ARHGAP22: variants seen among roughly 807,000 people sequenced by gnomAD.
The protein encoded by ARHGAP22 is Rho GTPase activating protein 22, also known as rho GTPase-activating protein 22.
In ARHGAP22, 48 loss-of-function variants were observed where a neutral mutation model predicts 59.1. The observed-to-expected ratio is 0.81, with a 90% confidence interval of 0.64 to 1.03. The LOEUF is 1.03. Ranked by LOEUF, ARHGAP22 falls within the 50% of genes least tolerant of loss-of-function variation. The pLI, the probability that ARHGAP22 is intolerant of heterozygous loss-of-function variation, is 0.00. For missense variants in ARHGAP22, 1,015 were observed against 958.7 expected, an observed-to-expected ratio of 1.06 and a Z score of -0.78; for synonymous variants, 445 against 416.4, an observed-to-expected ratio of 1.07 and a Z score of -0.84.
intron 1 of ARHGAP22, among the ~76,000 whole-genome samples, chr10:48,650,085 A>C (rs1447342358): frequency 1.4e-5 from 2 of 146,534 alleles, no homozygotes; most frequent in Non-Finnish European, 3.0e-5. Flanking sequence ...AAACACACAG[A>C]GGTGCTAACC....
At chr10:48,554,220 G>T (rs968024592) in intron 3 of ARHGAP22, among the ~76,000 whole-genome samples, 1 of 152,176 alleles carries the variant, frequency 6.6e-6, no homozygotes, top group Non-Finnish European at 1.5e-5. Flanking sequence ...GTGCCCCTGC[G>T]AACTCTGGTA....
Position 48,583,093 on chromosome 10 carries a change from G to A in ARHGAP22, c.94C>T (p.Pro32Ser). 1 of 1,614,268 alleles carries A rather than the reference G, an allele frequency of 6.2e-7. No individual in the cohort carries two copies. The highest frequency in any genetic ancestry group is 8.5e-7 in the Non-Finnish European group (1 of 1,180,054). Residue 32 changes from proline (P) to serine (S), a missense_variant, in exon 2 of 10, where the codon CCT becomes TCT. By Grantham distance (74) the Pro-to-Ser change is moderately conservative. Coordinates refer to ENST00000249601, the MANE Select transcript of ARHGAP22 (RefSeq NM_021226.4). ...QSRSPGRMPC[P>S]HRLGPVLKAG... ...TTCAGCACGGGGCCCAGCCTGTGAG[G>A]GCACGGCATCCGCCCAGGGCTCCGG...
rs34557935 is a variant in ARHGAP22 at position 48,577,801 on chromosome 10, G to GTTT, written c.234+5149_234+5151dup. Among the ~76,000 whole-genome samples the GTTT allele has an allele frequency of 4.2e-4, 25 of 59,164 alleles. 1 individual carries two copies. The highest frequency in any genetic ancestry group is 5.9e-4 in the African/African-American group (9 of 15,202). 38.8% of individuals were successfully genotyped at this position (59,164 alleles called of 152,430 possible). A position where few individuals can be genotyped will look rare whatever the true frequency, so the allele number is the denominator to read the frequency against. On this transcript the variant is annotated intron_variant, in intron 2 of 9. Transcript: ENST00000249601. ...TCTGAGATCTAACTGCTCTTTTTTGGTTTTTTTTTTTTTTTTTTTTTTTTT... is the reference window on the plus strand; with the variant it reads ...TCTGAGATCTAACTGCTCTTTTTTGGTTTTTTTTTTTTTTTTTTTTTTTTTTTT...
chr10:48,455,668 G>A (rs1159466794), intron 5 of ARHGAP22, among the ~76,000 whole-genome samples: 1 of 152,214 alleles, frequency 6.6e-6, no homozygotes, highest in African/African-American at 2.4e-5. Flanking sequence ...TGCCTGCTCT[G>A]CGGTAGGAAC....
chr10:48,558,973 C>T (rs1243139364), intron 2 of ARHGAP22, among the ~76,000 whole-genome samples: 1 of 152,192 alleles, frequency 6.6e-6, no homozygotes, highest in African/African-American at 2.4e-5. Context: ...TGATATCTGG[C>T]CCCATGGCCT....
In ARHGAP22 at chr10:48,459,722, C is replaced by T. The variant is rs1229809000; in HGVS notation, c.621G>A (p.Gln207=). The T allele has an allele frequency of 2.5e-6, 4 of 1,614,176 alleles. No individual in the cohort carries two copies. In the South Asian group the frequency reaches 4.4e-5, roughly 18 times the overall value. ...PGQANLVRDL[Q]DSFDCGEKPL... ...GCTTCTCCCCACAGTCGAAGGAATC[C>T]TGCAGGTCCCTCACCAGGTTGGCCT... Residue 207 remains glutamine, a synonymous_variant, in exon 5 of 10, where the codon CAG becomes CAA. Coordinates refer to ENST00000249601, the MANE Select transcript of ARHGAP22 (RefSeq NM_021226.4).
At position 48,450,633 on chromosome 10, in the gene ARHGAP22, C is replaced by A. The variant is rs1288420555; in HGVS notation, c.1496G>T (p.Gly499Val). Residue 499 changes from glycine to valine, a missense_variant, in exon 9 of 10, where the codon GGC (glycine) becomes GTC (valine). Physicochemically the swap from Gly to Val is moderately radical, Grantham distance 109. Transcript: ENST00000249601. ...CACGCTGGGTATGCCGGGGACCAGGCCCGGCGCGGGCACATTGTCGTAGGT... is the reference window on the plus strand; with the variant it reads ...CACGCTGGGTATGCCGGGGACCAGGACCGGCGCGGGCACATTGTCGTAGGT... The part of the protein sequence containing the change: ...LSTYDNVPAP[G>V]LVPGIPSVAS... 4 of 1,549,586 alleles carry A rather than the reference C, an allele frequency of 2.6e-6. No individual in the cohort carries two copies. Among genetic ancestry groups the A allele is most frequent in the Non-Finnish European group, 2.6e-6 (3 of 1,146,936 alleles).
intron 1 of ARHGAP22, among the ~76,000 whole-genome samples, chr10:48,599,921 C>T (rs2060284130): frequency 6.6e-6 from 1 of 152,176 alleles, no homozygotes; most frequent in African/African-American, 2.4e-5. Context: ...TGCTGGCATC[C>T]CTGGGGGCAT....
At chr10:48,471,642 C>A (rs989114366) in intron 4 of ARHGAP22, among the ~76,000 whole-genome samples, 1 of 152,202 alleles carries the variant, frequency 6.6e-6, no homozygotes, top group African/African-American at 2.4e-5. Context: ...CCCAGCCAGA[C>A]ACCATGGAGT....
intron 8 of ARHGAP22, among the ~76,000 whole-genome samples, chr10:48,452,658 CT>C (rs2046093189): frequency 6.6e-6 from 1 of 152,224 alleles, no homozygotes; most frequent in South Asian, 2.1e-4. Flanking sequence ...GGTGGGCTGT[CT>C]TTTCTATGGC....
chr10:48,507,899 GGGGGGT>G (rs2052312381), intron 3 of ARHGAP22, among the ~76,000 whole-genome samples: 3 of 149,968 alleles, frequency 2.0e-5, no homozygotes, highest in Non-Finnish European at 1.5e-5. Context: ...CGGAAATACT[GGGGGGT>G]GGGGGTGGGG....
At chr10:48,485,559 G>A (rs1001470742) in intron 3 of ARHGAP22, among the ~76,000 whole-genome samples, 4 of 152,130 alleles carry the variant, frequency 2.6e-5, no homozygotes, top group Admixed American at 6.5e-5. Context: ...TGATTTTTCT[G>A]TCTACTTCTT....
At chr10:48,509,820 T>C (rs770563332) in intron 3 of ARHGAP22, among the ~76,000 whole-genome samples, 3 of 152,104 alleles carry the variant, frequency 2.0e-5, no homozygotes, top group Non-Finnish European at 4.4e-5. Context: ...CGACGAGTCA[T>C]GGAGGAGGGG....
chr10:48,493,734 C>T (rs1314172829), intron 3 of ARHGAP22: 1 of 1,172,358 alleles, frequency 8.5e-7, no homozygotes, highest in Non-Finnish European at 1.1e-6. Context: ...GCTGGGATCC[C>T]CGCCAGTGGG....
rs73298264 is a variant in ARHGAP22, at chr10:48,542,510, G to A, written c.322+12953C>T. Among the ~76,000 whole-genome samples, 1,502 of 152,210 alleles carry A rather than the reference G, an allele frequency of 9.9e-3. 30 individuals are homozygous for A. Among genetic ancestry groups the A allele is most frequent in the African/African-American group, 0.035 (1,440 of 41,530 alleles). On this transcript the variant is annotated intron_variant, in intron 3 of 9. Coordinates refer to ENST00000249601, the MANE Select transcript of ARHGAP22 (RefSeq NM_021226.4). ...CCTGCCTCCTGCTGCCTCTGCCTCC[G>A]CCTCCTGTGAGTGGGTTTTCCTGGC...
chr10:48,462,404 T>A (rs754543970), intron 4 of ARHGAP22, among the ~76,000 whole-genome samples: 10 of 152,178 alleles, frequency 6.6e-5, no homozygotes, highest in Non-Finnish European at 1.3e-4. Flanking sequence ...ACCATCAACA[T>A]CATTATCTTG....
chr10:48,436,777 T>G, the ARHGAP22 span: 1 of 152,226 alleles, frequency 6.6e-6, no homozygotes, highest in African/African-American at 2.4e-5. Context: ...GAGTCATGAT[T>G]TCCAGCTTCC....
chr10:48,468,883 G>A lies in ARHGAP22; in HGVS notation c.452-8992C>T, dbSNP rs757263364. Among the ~76,000 whole-genome samples, 189 of 152,260 alleles carry A rather than the reference G, an allele frequency of 1.2e-3. 2 individuals carry two copies. Among genetic ancestry groups the A allele is most frequent in the East Asian group, 9.6e-4 (5 of 5,182 alleles). ...CCAGAGCTCAGGTGAACATGAGGGT[G>A]CCAGGGCAGGTTGGTGCAGGGTGTC... On this transcript the variant is annotated intron_variant, in intron 4 of 9. Coordinates refer to ENST00000249601, the MANE Select transcript of ARHGAP22 (RefSeq NM_021226.4).
At chr10:48,635,871 C>T (rs1337170641) in intron 1 of ARHGAP22, among the ~76,000 whole-genome samples, 1 of 152,208 alleles carries the variant, frequency 6.6e-6, no homozygotes, top group Non-Finnish European at 1.5e-5. Flanking sequence ...GGAAGGACTG[C>T]ACTTTTGAGC....
Sources: allele counts gnomAD v4.1 joint callset (sites outside exome capture counted in the v4.1 genomes callset), GRCh38; gene constraint gnomAD v4.1.1; transcripts MANE v1.5; gene names NCBI Gene and HGNC (gene_info 2026-07-23, HGNC 2026-07-21).